The following CSMD1 variants were observed in gnomAD, a reference collection of about 807,000 sequenced individuals.
CSMD1 encodes the protein CUB and Sushi multiple domains 1, also known as CUB and sushi domain-containing protein 1.
A neutral mutation model predicts 417.5 loss-of-function variants in CSMD1; 213 were observed. The observed-to-expected ratio is 0.51, with a 90% CI of 0.46 to 0.57. CSMD1 has a LOEUF of 0.57. CSMD1 is among the 20% of genes least tolerant of loss of function. The pLI, the probability that CSMD1 is intolerant of heterozygous loss-of-function variation, is 0.00. For missense variants in CSMD1, 6,923 were observed against 4,529.7 expected, an observed-to-expected ratio of 1.53 and a Z score of -15.17; for synonymous variants, 2,862 against 1,736.8, an observed-to-expected ratio of 1.65 and a Z score of -16.11.
intron 1 of CSMD1, among the ~76,000 whole-genome samples, chr8:4,751,977 C>T (rs6989989): frequency 0.015 from 2,297 of 152,172 alleles, 68 homozygotes; most frequent in African/African-American, 0.052. Flanking sequence ...TACATATACA[C>T]GACTGTATAT....
intron 4 of CSMD1, among the ~76,000 whole-genome samples, chr8:4,001,347 C>A (rs541481478): frequency 6.4e-4 from 98 of 152,254 alleles, no homozygotes; most frequent in Middle Eastern, 6.8e-3. Context: ...GGGCCCCCAC[C>A]CTGCAGCCAT....
chr8:3,399,734 G>C (rs1214623487), intron 15 of CSMD1, among the ~76,000 whole-genome samples: 2 of 152,172 alleles, frequency 1.3e-5, no homozygotes, highest in Non-Finnish European at 1.5e-5. Context: ...CCATTACCTT[G>C]AAGCAAAGTT....
At chr8:3,693,454 C>T (rs372644231) in intron 7 of CSMD1, among the ~76,000 whole-genome samples, 161 of 151,962 alleles carry the variant, frequency 1.1e-3, no homozygotes, top group East Asian at 9.7e-3. Flanking sequence ...GGTATTGATA[C>T]GAGGAGTTGA....
chr8:4,703,587 A>G (rs903445234), intron 1 of CSMD1, among the ~76,000 whole-genome samples: 1 of 152,214 alleles, frequency 6.6e-6, no homozygotes, highest in African/African-American at 2.4e-5. Flanking sequence ...TAATGAAAAC[A>G]CTTTGGTGTT....
chr8:3,798,117 G>C (rs937922482), intron 5 of CSMD1, among the ~76,000 whole-genome samples: 4 of 151,808 alleles, frequency 2.6e-5, no homozygotes, highest in Non-Finnish European at 4.4e-5. Context: ...TATTTATTTA[G>C]AGGAATTCAG....
chr8:3,157,463 T>C (rs140022498), intron 39 of CSMD1, among the ~76,000 whole-genome samples: 1 of 152,208 alleles, frequency 6.6e-6, no homozygotes, highest in African/African-American at 2.4e-5. Flanking sequence ...GTTTCCAACA[T>C]GAAATACTCC....
At chr8:4,826,509 T>C (rs1016516779) in intron 1 of CSMD1, among the ~76,000 whole-genome samples, 35 of 152,196 alleles carry the variant, frequency 2.3e-4, no homozygotes, top group African/African-American at 7.7e-4. Flanking sequence ...TTTATACAAA[T>C]TCATGGGGTA....
At position 4,050,200 on chromosome 8, in the gene CSMD1, C is replaced by G. The variant is rs114932389; in HGVS notation, c.416-18101G>C. On this transcript the variant is annotated intron_variant, in intron 3 of 69. Coordinates refer to ENST00000635120, the MANE Select transcript of CSMD1 (RefSeq NM_033225.6). ...TCCACTCTGGATGTTGACTTGATCA[C>G]TTGGCTAGGGTCGTGTTTGTCAGTT... Among the ~76,000 whole-genome samples the G allele has an allele frequency of 1.3e-3, 199 of 152,192 alleles. 1 individual carries two copies. Among genetic ancestry groups the G allele is most frequent in the African/African-American group, 4.5e-3 (185 of 41,534 alleles).
chr8:3,228,793 A>C (rs1490178035), intron 27 of CSMD1, among the ~76,000 whole-genome samples: 1 of 151,930 alleles, frequency 6.6e-6, no homozygotes, highest in African/African-American at 2.4e-5. Flanking sequence ...AAAAAAAAAA[A>C]CCCTTTCCTA....
intron 11 of CSMD1, among the ~76,000 whole-genome samples, chr8:3,490,468 T>C (rs1282255540): frequency 1.3e-5 from 2 of 152,196 alleles, no homozygotes; most frequent in Non-Finnish European, 2.9e-5. Flanking sequence ...TATTTAACAA[T>C]TTTTCTCATT....
chr8:4,842,377 T>C (rs1800896055), intron 1 of CSMD1, among the ~76,000 whole-genome samples: 1 of 152,244 alleles, frequency 6.6e-6, no homozygotes, highest in African/African-American at 2.4e-5. Context: ...TTCTTCTTAA[T>C]TTTTATTCCC....
rs528826436 is a variant in CSMD1, at chr8:4,899,076, G to T, written c.85+95256C>A. Among the ~76,000 whole-genome samples the T allele has an allele frequency of 9.9e-4, 151 of 152,276 alleles. 2 individuals are homozygous for T. Among genetic ancestry groups the T allele is most frequent in the Admixed American group, 1.4e-3 (22 of 15,294 alleles). Reference sequence around the variant, plus strand: ...ATCATTTAAAATGTAGCCCTATCCTGTGATTTAAGTGTGATCTGTTACATA... The same window carrying T: ...ATCATTTAAAATGTAGCCCTATCCTTTGATTTAAGTGTGATCTGTTACATA... On this transcript the variant is annotated intron_variant, in intron 1 of 69. Transcript: ENST00000635120.
chr8:4,487,661 G>C lies in CSMD1; in HGVS notation c.303-67596C>G, dbSNP rs149510027. Among the ~76,000 whole-genome samples, 73 of 152,126 alleles carry C rather than the reference G, an allele frequency of 4.8e-4. 1 individual carries two copies. The East Asian group carries it at 0.012, about 25-fold the overall frequency. On this transcript the variant is annotated intron_variant, in intron 2 of 69. Transcript: ENST00000635120. ...CACCCTTGATTTTGTTTCAAAAAAA[G>C]GATTTTTCTGTAAAATAATTAAGTC...
At chr8:4,712,830 T>G (rs1046978221) in intron 1 of CSMD1, among the ~76,000 whole-genome samples, 3 of 152,246 alleles carry the variant, frequency 2.0e-5, no homozygotes, top group Non-Finnish European at 4.4e-5. Flanking sequence ...ATCTAAAGTT[T>G]CTATTTCAGA....
rs181691749 is a variant in CSMD1 at position 4,201,517 on chromosome 8, A to G, written c.416-169418T>C. On this transcript the variant is annotated intron_variant, in intron 3 of 69. Coordinates refer to ENST00000635120, the MANE Select transcript of CSMD1 (RefSeq NM_033225.6). Reference sequence around the variant, plus strand: ...AGCGCCACTGCCGTCCGGCCTAGGTAAGAGATCCAGACTCTGTCTCCACAA... The same window carrying G: ...AGCGCCACTGCCGTCCGGCCTAGGTGAGAGATCCAGACTCTGTCTCCACAA... 4.5e-4 allele frequency among the ~76,000 whole-genome samples: 53 copies of G among 116,516 alleles called. 1 individual carries two copies. The allele number at this position is 116,516 out of a possible 152,430, so 76.4% of individuals were successfully genotyped here. A position where few individuals can be genotyped will look rare whatever the true frequency, so the allele number is the denominator to read the frequency against.
chr8:3,709,680 GTTTTTT>G (rs56272726), intron 6 of CSMD1, among the ~76,000 whole-genome samples: 822 of 33,646 alleles, frequency 0.024, 21 homozygotes, highest in Non-Finnish European at 0.033. Flanking sequence ...GCAGCAGCAT[GTTTTTT>G]TTTTTTTTTT....
chr8:4,404,140 C>A (rs907740230), intron 3 of CSMD1, among the ~76,000 whole-genome samples: 2 of 152,168 alleles, frequency 1.3e-5, no homozygotes, highest in Non-Finnish European at 2.9e-5. Context: ...TTATCTTTTT[C>A]TCAGCGTAGA....
intron 3 of CSMD1, among the ~76,000 whole-genome samples, chr8:4,273,345 A>C (rs1804719848): frequency 6.6e-6 from 1 of 152,134 alleles, no homozygotes; most frequent in East Asian, 1.9e-4. Flanking sequence ...TATTCCATTC[A>C]TATTTACGGG....
chr8:4,135,100 AAAT>A (rs1803336575), intron 3 of CSMD1, among the ~76,000 whole-genome samples: 1 of 152,112 alleles, frequency 6.6e-6, no homozygotes, highest in Non-Finnish European at 1.5e-5. Context: ...CTTCCATAAT[AAAT>A]AATTGCATAA....
Sources: allele counts gnomAD v4.1 joint callset (sites outside exome capture counted in the v4.1 genomes callset), GRCh38; gene constraint gnomAD v4.1.1; transcripts MANE v1.5; gene names NCBI Gene and HGNC (gene_info 2026-07-23, HGNC 2026-07-21).